Variants in TTLL1 observed in about 807,000 individuals in gnomAD.
TTLL1 encodes the protein polyglutamylase complex subunit TTLL1.
In TTLL1, 33 loss-of-function variants were observed where a neutral mutation model predicts 47.8. The ratio of observed to expected loss-of-function variants is 0.69; its 90% CI spans 0.52 to 0.92. The LOEUF (loss-of-function observed/expected upper bound fraction) is 0.92, where lower values mean the gene tolerates loss of function less well. Ranked by LOEUF, TTLL1 falls within the 40% of genes least tolerant of loss-of-function variation. The pLI is 0.00. For missense variants in TTLL1, 488 were observed against 547.5 expected (o/e 0.89, Z 1.08); for synonymous variants, 225 against 214.1 (o/e 1.05, Z -0.45).
At chr22:43,057,709 C>A (rs574668447) in intron 8 of TTLL1, among the ~76,000 whole-genome samples, 1 of 132,706 alleles carries the variant, frequency 7.5e-6, no homozygotes, top group East Asian at 2.6e-4. Context: ...GAGAAAAAAA[C>A]AAAAGACCAC....
chr22:43,070,453 GC>G (rs1464681327), intron 3 of TTLL1, among the ~76,000 whole-genome samples: 1 of 152,098 alleles, frequency 6.6e-6, no homozygotes, highest in Non-Finnish European at 1.5e-5. Flanking sequence ...GGAAGGGCTG[GC>G]CCCTGCTCAG....
At chr22:43,051,970 G>A (rs1926663833) in intron 8 of TTLL1, 83 bp from the exon 9 acceptor site, 17 of 1,322,512 alleles carry the variant, frequency 1.3e-5, no homozygotes, top group South Asian at 4.7e-5. Context: ...AAGCAGGATC[G>A]TCCCACGTCC....
chr22:43,071,690 G>A (rs1229679170), intron 3 of TTLL1, among the ~76,000 whole-genome samples: 4 of 152,360 alleles, frequency 2.6e-5, no homozygotes, highest in South Asian at 2.1e-4. Flanking sequence ...GATTGCAGGC[G>A]TGAGCCACCA....
At chr22:43,087,320 T>A (rs1929286611) in intron 1 of TTLL1, among the ~76,000 whole-genome samples, 1 of 151,672 alleles carries the variant, frequency 6.6e-6, no homozygotes, top group Admixed American at 6.6e-5. Context: ...AGGTCGGGAG[T>A]TCGAGACCAG....
chr22:43,079,124 G>A (rs1928704248), intron 2 of TTLL1, among the ~76,000 whole-genome samples: 1 of 125,276 alleles, frequency 8.0e-6, no homozygotes. Context: ...CGCAGACACG[G>A]GGACCATGGG....
chr22:43,059,305 T>A lies in TTLL1; in HGVS notation c.891+79A>T, dbSNP rs138197899. The A allele has an allele frequency of 2.4e-4, 364 of 1,533,754 alleles. 1 individual carries two copies. In the East Asian group the frequency reaches 7.9e-3, roughly 33 times the overall value. On this transcript the variant is annotated intron_variant, in intron 8 of 10. Transcript: ENST00000266254. ...CGCCGCGCACAGCTGAAAACAGGGATTTTTAACAGAAAGACAGCAAGCCCC... is the reference window on the plus strand; with the variant it reads ...CGCCGCGCACAGCTGAAAACAGGGAATTTTAACAGAAAGACAGCAAGCCCC...
chr22:43,086,113 T>C (rs1347180633), intron 1 of TTLL1, among the ~76,000 whole-genome samples: 2 of 141,706 alleles, frequency 1.4e-5, no homozygotes, highest in East Asian at 2.0e-4. Context: ...CAGATTGTTT[T>C]ATTGTTGCTT....
In TTLL1 at chr22:43,039,722, G is replaced by A. The variant is rs552838803; in HGVS notation, c.*54C>T. The A allele has an allele frequency of 3.7e-4, 565 of 1,508,160 alleles. No individual in the cohort carries two copies. The highest frequency in any genetic ancestry group is 1.4e-3 in the African/African-American group (101 of 70,954). The allele number at this position is 1,508,160 out of a possible 1,614,324, so 93.4% of individuals were successfully genotyped here. A position where few individuals can be genotyped will look rare whatever the true frequency, so the allele number is the denominator to read the frequency against. ...TACAAAAGGGAAATTTCAAAATAGG[G>A]CTTCAGCAGGGGCCCAGGTGGAGTG... is the stretch of plus-strand genomic sequence containing the variant. On this transcript the variant is annotated 3_prime_UTR_variant, in exon 11 of 11. Coordinates refer to ENST00000266254, the MANE Select transcript of TTLL1 (RefSeq NM_012263.5).
chr22:43,051,733 C>T (rs906141839), intron 9 of TTLL1, 68 bp downstream of exon 9: 160 of 1,499,894 alleles, frequency 1.1e-4, no homozygotes, highest in Non-Finnish European at 1.4e-4. Context: ...CTGCTGGGCC[C>T]GAATCGGGGC....
At chr22:43,040,156 G>A (rs1359034394) in intron 10 of TTLL1, 3 of 426,836 alleles carry the variant, frequency 7.0e-6, no homozygotes, top group African/African-American at 4.1e-5. Flanking sequence ...TGTTGTTATT[G>A]TGGACAGTGG....
rs953188807 is a variant in TTLL1 at position 43,063,634 on chromosome 22, A to AT, written c.747+178dup. Among the ~76,000 whole-genome samples the AT allele has an allele frequency of 7.9e-3, 1,143 of 144,846 alleles. 21 individuals are homozygous for AT. The highest frequency in any genetic ancestry group is 0.027 in the African/African-American group (1,061 of 39,740). ...CGCCAGCCACCATGGTAATTTCCGT[A>AT]TTTTTTTTTTTAGTAGAGACAGGGT... On this transcript the variant is annotated intron_variant, in intron 7 of 10. Transcript: ENST00000266254.
intron 10 of TTLL1, among the ~76,000 whole-genome samples, chr22:43,042,942 T>TC (rs1015553408): frequency 2.0e-5 from 3 of 148,752 alleles, no homozygotes; most frequent in African/African-American, 7.4e-5. Flanking sequence ...CTTTTTCTTT[T>TC]TTTTTTTTTT....
intron 3 of TTLL1, among the ~76,000 whole-genome samples, chr22:43,074,767 T>C (rs1293979844): frequency 6.6e-6 from 1 of 151,936 alleles, no homozygotes; most frequent in East Asian, 1.9e-4. Context: ...TGGCCGGACA[T>C]GGTGGCTCAT....
intron 8 of TTLL1, among the ~76,000 whole-genome samples, chr22:43,058,372 A>G: frequency 6.6e-6 from 1 of 152,222 alleles, no homozygotes; most frequent in East Asian, 1.9e-4. Context: ...AAACCAGCAA[A>G]CAAACATAAA....
At chr22:43,049,521 C>T (rs1926423420) in intron 9 of TTLL1, among the ~76,000 whole-genome samples, 1 of 149,254 alleles carries the variant, frequency 6.7e-6, no homozygotes, top group South Asian at 2.1e-4. Flanking sequence ...GAAACTCAGT[C>T]TCAAAAAAAC....
chr22:43,071,093 T>G (rs116383343), intron 3 of TTLL1, among the ~76,000 whole-genome samples: 2,776 of 152,108 alleles, frequency 0.018, 97 homozygotes, highest in African/African-American at 0.064. Context: ...TTTATAATTT[T>G]TTTTGTAGAG....
intron 10 of TTLL1, among the ~76,000 whole-genome samples, chr22:43,044,927 A>T (rs988471598): frequency 2.0e-5 from 3 of 151,514 alleles, no homozygotes; most frequent in Admixed American, 6.6e-5. Flanking sequence ...CAGTGGTGCA[A>T]TTTGGGCTCA....
At chr22:43,068,613 A>C (rs1927906500) in intron 4 of TTLL1, 23 bp from the exon 5 acceptor site, 1 of 1,433,104 alleles carries the variant, frequency 7.0e-7, no homozygotes. Flanking sequence ...GACACCCAGC[A>C]CTGGTAAGCA....
chr22:43,040,956 G>A (rs1451132325), intron 10 of TTLL1, among the ~76,000 whole-genome samples: 1 of 152,132 alleles, frequency 6.6e-6, no homozygotes, highest in Non-Finnish European at 1.5e-5. Context: ...CGGGGTCCTG[G>A]AGCATGGTCG....
Sources: allele counts gnomAD v4.1 joint callset (sites outside exome capture counted in the v4.1 genomes callset), GRCh38; gene constraint gnomAD v4.1.1; transcripts MANE v1.5; gene names NCBI Gene and HGNC (gene_info 2026-07-23, HGNC 2026-07-21).